The following AGAP1 variants were observed in gnomAD, a reference collection of about 807,000 sequenced individuals.
The protein encoded by AGAP1 is ArfGAP with GTPase domain, ankyrin repeat and PH domain 1.
AGAP1 carries 29 observed loss-of-function variants against 105.3 expected under a neutral mutation model. That is an observed-to-expected ratio of 0.28 (90% CI 0.21 to 0.38). AGAP1 has a LOEUF of 0.38. AGAP1 is among the 10% of genes least tolerant of loss of function. AGAP1 has a pLI of 1.00. For synonymous variants in AGAP1, 509 were observed against 485.9 expected, an observed-to-expected ratio of 1.05 and a Z score of -0.63; for missense variants, 998 against 1,165.1, an observed-to-expected ratio of 0.86 and a Z score of 2.09.
In AGAP1 at chr2:236,123,510, A is replaced by C. The variant is rs1035448423; in HGVS notation, c.2371-409A>C. Among the ~76,000 whole-genome samples, 4 of 152,232 alleles carry C rather than the reference A, an allele frequency of 2.6e-5. No homozygotes were observed. The South Asian group carries it at 8.3e-4, about 31-fold the overall frequency. On this transcript the variant is annotated intron_variant, in intron 17 of 17. Transcript: ENST00000304032. This position sits in a 1 kb window ranked among gnomAD's most constrained non-coding sequence, Gnocchi z 4.6. ...GGAAATACACTAATTCACAAAGGTT[A>C]TCTCTAAGTAGTAAGATTATGGGTG...
intron 6 of AGAP1, among the ~76,000 whole-genome samples, chr2:235,771,664 G>T (rs541336708): frequency 6.6e-6 from 1 of 152,180 alleles, no homozygotes; most frequent in Non-Finnish European, 1.5e-5. Flanking sequence ...GACTCCGGCC[G>T]TTGTGGTGGG....
In AGAP1 at chr2:235,930,888, A is replaced by G; in HGVS notation, c.1448A>G (p.Glu483Gly). 1 of 1,614,006 alleles carries G rather than the reference A, an allele frequency of 6.2e-7. No homozygotes were observed. Among genetic ancestry groups the G allele is most frequent in the Non-Finnish European group, 8.5e-7 (1 of 1,179,986 alleles). The part of the protein sequence containing the change: ...YSVSSADQWS[E>G]ATVIANSAIS... Reference sequence around the variant, plus strand: ...GTCTCCAGTGCCGACCAGTGGAGTGAGGCTACGGTCATTGCAAACTCGGCC... The same window carrying G: ...GTCTCCAGTGCCGACCAGTGGAGTGGGGCTACGGTCATTGCAAACTCGGCC... Residue 483 changes from glutamate to glycine, a missense_variant, in exon 12 of 18, where the codon GAG becomes GGG. Coordinates refer to ENST00000304032, the MANE Select transcript of AGAP1 (RefSeq NM_001037131.3). The surrounding 1 kb of genome is among the most constrained non-coding windows in gnomAD (Gnocchi z 7.9).
rs768982888 is a variant in AGAP1 at position 235,660,851 on chromosome 2, A to G, written c.164-48328A>G. ...TTGTCCCGTTTTTGCAGAAATGAAA[A>G]CCTGATGCAGAGCCTCAAGGTCACT... On this transcript the variant is annotated intron_variant, in intron 1 of 17. Coordinates refer to ENST00000304032, the MANE Select transcript of AGAP1 (RefSeq NM_001037131.3). This position sits in a 1 kb window ranked among gnomAD's most constrained non-coding sequence, Gnocchi z 5.3. Among the ~76,000 whole-genome samples the G allele has an allele frequency of 1.3e-5, 2 of 152,064 alleles. No individual in the cohort carries two copies. The highest frequency in any genetic ancestry group is 2.9e-5 in the Non-Finnish European group (2 of 68,004).
chr2:235,687,454 C>A lies in AGAP1; in HGVS notation c.164-21725C>A, dbSNP rs926109820. On this transcript the variant is annotated intron_variant, in intron 1 of 17. Coordinates refer to ENST00000304032, the MANE Select transcript of AGAP1 (RefSeq NM_001037131.3). ...GAGTCCAGATTTCATTTGTAGTTGA[C>A]CTTTGGGGGTGACAGTCCGATATGT... 2.6e-5 allele frequency among the ~76,000 whole-genome samples: 4 copies of A among 152,146 alleles called. No homozygotes were observed. The East Asian group carries it at 5.8e-4, about 22-fold the overall frequency.
rs557109359 is a variant in AGAP1 at position 235,931,447 on chromosome 2, A to G, written c.1483+524A>G. On this transcript the variant is annotated intron_variant, in intron 12 of 17. Coordinates refer to ENST00000304032, the MANE Select transcript of AGAP1 (RefSeq NM_001037131.3). This position sits in a 1 kb window ranked among gnomAD's most constrained non-coding sequence, Gnocchi z 5.6. ...AAATTCCTTTGGCATTATTATTATT[A>G]TTATTATTTTGACAAGTGTATCCAG... Among the ~76,000 whole-genome samples the G allele has an allele frequency of 1.3e-5, 2 of 151,886 alleles. No homozygotes were observed. Among genetic ancestry groups the G allele is most frequent in the East Asian group, 3.9e-4 (2 of 5,124 alleles).
intron 1 of AGAP1, chr2:235,671,192 G>T: frequency 2.9e-6 from 3 of 1,042,498 alleles, no homozygotes; most frequent in Non-Finnish European, 2.4e-6. Context: ...CTCGGGTACT[G>T]CGGTTTTCCC....
chr2:235,571,002 G>A (rs1944494916), intron 1 of AGAP1, among the ~76,000 whole-genome samples: 1 of 152,236 alleles, frequency 6.6e-6, no homozygotes, highest in Non-Finnish European at 1.5e-5. Flanking sequence ...CAGCTTCAGG[G>A]TGGCCTCAGG....
Position 235,971,744 on chromosome 2 carries a change from T to TATTTATTA in AGAP1, c.1645+3128_1645+3129insAATTTATT, listed in dbSNP as rs1274290580. Among the ~76,000 whole-genome samples the TATTTATTA allele has an allele frequency of 4.1e-5, 4 of 98,094 alleles. No individual in the cohort carries two copies. Among genetic ancestry groups the TATTTATTA allele is most frequent in the African/African-American group, 1.4e-4 (4 of 28,246 alleles). 64.4% of individuals were successfully genotyped at this position (98,094 alleles called of 152,430 possible). ...AAAGCTAGTTATATATGTTTTATTT[T>TATTTATTA]ATTTATTTATTTATTTATTTATTTA... is the stretch of plus-strand genomic sequence containing the variant. On this transcript the variant is annotated intron_variant, in intron 13 of 17. Coordinates refer to ENST00000304032, the MANE Select transcript of AGAP1 (RefSeq NM_001037131.3). This position sits in a 1 kb window ranked among gnomAD's most constrained non-coding sequence, Gnocchi z 4.8.
At chr2:235,938,163 T>C (rs1356160858) in intron 12 of AGAP1, among the ~76,000 whole-genome samples, 1 of 152,190 alleles carries the variant, frequency 6.6e-6, no homozygotes, top group Non-Finnish European at 1.5e-5. Context: ...TGGAACTCAC[T>C]GCTTGCCAGG....
intron 9 of AGAP1, among the ~76,000 whole-genome samples, chr2:235,851,497 AT>A (rs930673990): frequency 2.6e-4 from 40 of 150,974 alleles, no homozygotes; most frequent in African/African-American, 7.8e-4. Context: ...GTTTCAGAGA[AT>A]TTTTTTTTTA....
chr2:235,496,959 A>G (rs1941344606), intron 1 of AGAP1, among the ~76,000 whole-genome samples: 1 of 152,200 alleles, frequency 6.6e-6, no homozygotes, highest in South Asian at 2.1e-4. Context: ...TGTCTACATT[A>G]TGTGGAGCTG....
intron 6 of AGAP1, among the ~76,000 whole-genome samples, chr2:235,780,438 C>A (rs1028137118): frequency 6.6e-6 from 1 of 152,072 alleles, no homozygotes; most frequent in Non-Finnish European, 1.5e-5. Flanking sequence ...CAGTGTGATT[C>A]TTGGTGGTTT....
In AGAP1 at chr2:235,753,495, C is replaced by T. The variant is rs1164564424; in HGVS notation, c.673+3007C>T. Among the ~76,000 whole-genome samples the T allele has an allele frequency of 6.6e-6, 1 of 152,092 alleles. No homozygotes were observed. Among genetic ancestry groups the T allele is most frequent in the African/African-American group, 2.4e-5 (1 of 41,424 alleles). On this transcript the variant is annotated intron_variant, in intron 6 of 17. Transcript: ENST00000304032. The surrounding 1 kb of genome is among the most constrained non-coding windows in gnomAD (Gnocchi z 4.5). ...TGAGGAGGGCAGATCACCTGAGGTC[C>T]ATAGTTCGAGACCAGCCTGGCCACC...
At chr2:235,516,536 C>T (rs1356861200) in intron 1 of AGAP1, among the ~76,000 whole-genome samples, 2 of 152,130 alleles carry the variant, frequency 1.3e-5, no homozygotes, top group Non-Finnish European at 2.9e-5. Context: ...TAGCTTTACT[C>T]CAAAGGAAAC....
At chr2:235,699,758 C>G (rs1950165118) in intron 1 of AGAP1, among the ~76,000 whole-genome samples, 1 of 152,196 alleles carries the variant, frequency 6.6e-6, no homozygotes, top group South Asian at 2.1e-4. Context: ...TCCAGGAGAA[C>G]CAGCATTCGC....
chr2:236,042,468 G>A lies in AGAP1; in HGVS notation c.1891+1627G>A, dbSNP rs1223777241. 2.0e-5 allele frequency among the ~76,000 whole-genome samples: 3 copies of A among 152,234 alleles called. No homozygotes were observed. The highest frequency in any genetic ancestry group is 2.9e-5 in the Non-Finnish European group (2 of 68,040). On this transcript the variant is annotated intron_variant, in intron 15 of 17. Transcript: ENST00000304032. This position sits in a 1 kb window ranked among gnomAD's most constrained non-coding sequence, Gnocchi z 5.6. ...AATGTGTGGTGAAATGAAGTTCGAA[G>A]AGAGAAGCAGTTATTTGAAGTGTGT...
At chr2:235,584,407 CTG>C (rs756349078) in intron 1 of AGAP1, among the ~76,000 whole-genome samples, 4 of 149,820 alleles carry the variant, frequency 2.7e-5, no homozygotes, top group Non-Finnish European at 5.9e-5. Flanking sequence ...ACCTTGGTAG[CTG>C]TGTGTGTGGC....
intron 13 of AGAP1, among the ~76,000 whole-genome samples, chr2:235,997,630 CT>C (rs1011932515): frequency 3.3e-5 from 5 of 152,142 alleles, no homozygotes; most frequent in African/African-American, 1.2e-4. Context: ...CTTGTGAAAG[CT>C]TTTGGTTTAT....
chr2:235,779,251 T>C (rs1197617639), intron 6 of AGAP1, among the ~76,000 whole-genome samples: 2 of 152,216 alleles, frequency 1.3e-5, no homozygotes, highest in African/African-American at 4.8e-5. Flanking sequence ...TGACTTGTGT[T>C]ATTTTTAAAA....
Sources: allele counts gnomAD v4.1 joint callset (sites outside exome capture counted in the v4.1 genomes callset), GRCh38; gene constraint gnomAD v4.1.1; non-coding constraint Gnocchi (gnomAD v3.1); transcripts MANE v1.5; gene names NCBI Gene and HGNC (gene_info 2026-07-23, HGNC 2026-07-21).